Variants in PREPL observed in about 807,000 individuals in gnomAD.
PREPL encodes prolyl endopeptidase like.
A neutral mutation model predicts 70.6 loss-of-function variants in PREPL; 77 were observed. That is an observed-to-expected ratio of 1.09 (90% CI 0.91 to 1.32). The LOEUF (loss-of-function observed/expected upper bound fraction) is 1.32. Among genes scored for constraint, PREPL ranks in the 40% most tolerant of loss-of-function variants. The pLI is 0.00. For synonymous variants in PREPL, 315 were observed against 264.8 expected, an observed-to-expected ratio of 1.19 and a Z score of -1.84; for missense variants, 1,002 against 778.2, an observed-to-expected ratio of 1.29 and a Z score of -3.42.
chr2:44,351,406 T>C lies in PREPL; in HGVS notation c.-48-5016A>G, dbSNP rs1175632502. Among the ~76,000 whole-genome samples, 4 of 152,016 alleles carry C rather than the reference T, an allele frequency of 2.6e-5. No homozygotes were observed. In the East Asian group the frequency reaches 5.8e-4, roughly 22 times the overall value. The stretch of plus-strand genomic sequence containing the variant: ...GTAGCCTGAACAATCCTGACCAAGA[T>C]GAACTTGTATATCCAACTGACTACC... On this transcript the variant is annotated intron_variant, in intron 1 of 13. Transcript: ENST00000409411.
chr2:44,318,719 T>C lies in PREPL; in HGVS notation c.*2637A>G, dbSNP rs1466294514. ...AAAGGTGTTGAAGAAAACCTTTTTA[T>C]AGTATGTATTCTTGTAATTGAATAA... On this transcript the variant is annotated 3_prime_UTR_variant, in exon 14 of 14. Coordinates refer to ENST00000409411, the MANE Select transcript of PREPL (RefSeq NM_001171613.2). 1 of 152,220 alleles carries C rather than the reference T, an allele frequency of 6.6e-6. No homozygotes were observed. The highest frequency in any genetic ancestry group is 6.5e-5 in the Admixed American group (1 of 15,272). 9.4% of individuals were successfully genotyped at this position (152,220 alleles called of 1,614,324 possible).
At position 44,323,384 on chromosome 2, in the gene PREPL, T is replaced by C. The variant is rs759477412; in HGVS notation, c.1507A>G (p.Met503Val). The change falls in exon 11 of 14, where the codon ATG becomes GTG. Residue 503 changes from methionine (M) to valine (V), a missense_variant. Physicochemically the swap from Met to Val is conservative, Grantham distance 21. Transcript: ENST00000409411. Reference protein sequence around the residue: ...EAPFLDVLNTMMDTTLPLTLE... With the variant: ...EAPFLDVLNTVMDTTLPLTLE... ...GTCAGAGGAAGTGTAGTGTCCATCA[T>C]GGTGTTGAGAACATCCAAGAAAGGT... 3.1e-6 allele frequency: 5 copies of C among 1,604,016 alleles called. No homozygotes were observed. The South Asian group carries it at 4.5e-5, about 14-fold the overall frequency.
chr2:44,339,099 T>C (rs1262061856), intron 6 of PREPL, 48 bp downstream of exon 6: 3 of 1,602,642 alleles, frequency 1.9e-6, no homozygotes, highest in Non-Finnish European at 1.7e-6. Context: ...GATCGAAGTG[T>C]GACACTTCTT....
At position 44,339,365 on chromosome 2, in the gene PREPL, TAGAGAG is replaced by T; in HGVS notation, c.486-8_486-3del. On this transcript the variant is annotated splice_polypyrimidine_tract_variant and splice_region_variant and intron_variant, in intron 5 of 13. Transcript: ENST00000409411. ...GTAAGATAAAGGAAAACAAAGTAGC[TAGAGAG>T]AGAGAGAGAGACATGAGATCACAGT... 1 of 1,535,386 alleles carries T rather than the reference TAGAGAG, an allele frequency of 6.5e-7. No individual in the cohort carries two copies. Among genetic ancestry groups the T allele is most frequent in the Non-Finnish European group, 8.9e-7 (1 of 1,123,550 alleles).
intron 1 of PREPL, among the ~76,000 whole-genome samples, chr2:44,355,068 C>T (rs978644174): frequency 1.3e-5 from 2 of 152,164 alleles, no homozygotes; most frequent in Admixed American, 1.3e-4. Context: ...AGCTAAACAT[C>T]TACTAATTGG....
rs1672859699 is a variant in PREPL, at chr2:44,320,677, T to A, written c.*679A>T. On this transcript the variant is annotated 3_prime_UTR_variant, in exon 14 of 14. Coordinates refer to ENST00000409411, the MANE Select transcript of PREPL (RefSeq NM_001171613.2). The stretch of plus-strand genomic sequence containing the variant: ...AGAGATGAAGACACTGGCATTTCAG[T>A]GGGATTGTAAGCATTTGTAATAGCT... The A allele has an allele frequency of 6.6e-7, 1 of 1,523,060 alleles. No homozygotes were observed. The highest frequency in any genetic ancestry group is 1.1e-5 in the South Asian group (1 of 88,976). 94.3% of individuals were successfully genotyped at this position (1,523,060 alleles called of 1,614,324 possible). A position where few individuals can be genotyped will look rare whatever the true frequency, so the allele number is the denominator to read the frequency against.
chr2:44,321,725 G>C (rs749174186), intron 13 of PREPL, 102 bp downstream of exon 13: 3 of 1,602,328 alleles, frequency 1.9e-6, no homozygotes, highest in Non-Finnish European at 2.6e-6. Flanking sequence ...TAGGACATTT[G>C]TGAAGTGGCT....
intron 7 of PREPL, among the ~76,000 whole-genome samples, chr2:44,333,102 C>T (rs1308223220): frequency 1.3e-5 from 2 of 152,174 alleles, no homozygotes; most frequent in East Asian, 3.9e-4. Context: ...TACCCTGCTG[C>T]CTGGACAGCC....
intron 10 of PREPL, 127 bp from the exon 11 acceptor site, chr2:44,323,538 A>T: frequency 1.4e-6 from 1 of 699,972 alleles, no homozygotes. Context: ...GTAGATTCCT[A>T]GGAGCTAGAA....
chr2:44,358,705 C>G (rs1020832030), intron 1 of PREPL, among the ~76,000 whole-genome samples: 1 of 152,190 alleles, frequency 6.6e-6, no homozygotes, highest in Non-Finnish European at 1.5e-5. Context: ...TAAGGGCAAT[C>G]AGGTCCTTAA....
rs1672995135 is a variant in PREPL, at chr2:44,321,892, T to C, written c.1762A>G (p.Thr588Ala). Residue 588 changes from threonine (T) to alanine (A), a missense_variant, in exon 13 of 14, where the codon ACC becomes GCC. Thr to Ala is a moderately conservative substitution (Grantham distance 58). Coordinates refer to ENST00000409411, the MANE Select transcript of PREPL (RefSeq NM_001171613.2). Reference sequence around the variant, plus strand: ...TGAATATCTAGAATAATATTAGGGGTCTGATAGCCTGGAAGAGTTAACATG... The same window carrying C: ...TGAATATCTAGAATAATATTAGGGGCCTGATAGCCTGGAAGAGTTAACATG... Reference protein sequence around the residue: ...HAKDTGEGYQTPNIILDIQPG... With the variant: ...HAKDTGEGYQAPNIILDIQPG... The C allele has an allele frequency of 2.5e-6, 4 of 1,612,970 alleles. No individual in the cohort carries two copies. Among genetic ancestry groups the C allele is most frequent in the Non-Finnish European group, 2.5e-6 (3 of 1,179,304 alleles).
chr2:44,360,773 T>C (rs1039216219), intron 1 of PREPL: 5 of 152,238 alleles, frequency 3.3e-5, no homozygotes, highest in Non-Finnish European at 7.3e-5. Flanking sequence ...GCCTGGCACA[T>C]AGTGACCACT....
In PREPL at chr2:44,328,287, A is replaced by AAAT. The variant is rs1451896126; in HGVS notation, c.1262+649_1262+650insATT. 1.4e-4 allele frequency among the ~76,000 whole-genome samples: 21 copies of AAAT among 149,548 alleles called. No homozygotes were observed. The South Asian group carries it at 3.4e-3, about 24-fold the overall frequency. ...CTATCTCAAAAAAAAAAAAAAAAAA[A>AAAT]TTCAGACAGTGTGGTGGTGTGCGCC... is the stretch of plus-strand genomic sequence containing the variant. On this transcript the variant is annotated intron_variant, in intron 9 of 13. Transcript: ENST00000409411.
rs769664417 is a variant in PREPL, at chr2:44,326,779, G to A, written c.1412C>T (p.Ala471Val). ...CAATGCTCCTGCAAGCACCCCTCCA[G>A]CACTGAAAGCAGTCAGGGTTGTTAG... ...PSLTTLTAFS[A>V]GGVLAGALCN... The change falls in exon 10 of 14, where the codon GCT becomes GTT. Residue 471 changes from alanine (A) to valine (V), a missense_variant. By Grantham distance (64) the Ala-to-Val change is moderately conservative. Coordinates refer to ENST00000409411, the MANE Select transcript of PREPL (RefSeq NM_001171613.2). 6.2e-7 allele frequency: 1 copy of A among 1,614,142 alleles called. No individual in the cohort carries two copies.
Position 44,361,463 on chromosome 2 carries a change from T to TGTCACCGCAGGC in PREPL, c.-144_-133dup, listed in dbSNP as rs938596962. 5 of 152,694 alleles carry TGTCACCGCAGGC rather than the reference T, an allele frequency of 3.3e-5. No individual in the cohort carries two copies. The highest frequency in any genetic ancestry group is 1.2e-4 in the African/African-American group (5 of 41,446). The allele number at this position is 152,694 out of a possible 1,614,324, so 9.5% of individuals were successfully genotyped here. A position where few individuals can be genotyped will look rare whatever the true frequency, so the allele number is the denominator to read the frequency against. The stretch of plus-strand genomic sequence containing the variant: ...CCTGAAGCTCTCAGAGGGGAGCAGG[T>TGTCACCGCAGGC]GTCACCGCAGGCAAGTCCAGCCGAA... On this transcript the variant is annotated 5_prime_UTR_variant, in exon 1 of 14. Coordinates refer to ENST00000409411, the MANE Select transcript of PREPL (RefSeq NM_001171613.2).
chr2:44,334,409 G>A lies in PREPL; in HGVS notation c.889-1753C>T, dbSNP rs183658032. 1.2e-3 allele frequency among the ~76,000 whole-genome samples: 190 copies of A among 152,198 alleles called. 1 individual carries two copies. Among genetic ancestry groups the A allele is most frequent in the African/African-American group, 4.5e-3 (186 of 41,530 alleles). On this transcript the variant is annotated intron_variant, in intron 7 of 13. Transcript: ENST00000409411. ...CTGATGTTAGCATACAGCAAAAAAC[G>A]TCCCAACTGGCCTAAATTAAATATC...
At chr2:44,344,035 A>G (rs1675511979) in intron 3 of PREPL, 84 bp from the exon 4 acceptor site, 1 of 1,453,590 alleles carries the variant, frequency 6.9e-7, no homozygotes, top group African/African-American at 1.4e-5. Flanking sequence ...TTTAAATTAG[A>G]ATTCCCATTC....
chr2:44,321,573 A>T (rs1672949299), intron 13 of PREPL, 128 bp from the exon 14 acceptor site: 1 of 1,497,776 alleles, frequency 6.7e-7, no homozygotes, highest in East Asian at 2.5e-5. Flanking sequence ...GAATACTTTC[A>T]TTCGAGAGAG....
rs1675344183 is a variant in PREPL at position 44,342,570 on chromosome 2, G to C, written c.350-18C>G. Reference sequence around the variant, plus strand: ...TACCCATTCTGAAAGAAAATAATGAGATAATTATACATAATCACCTACACT... The same window carrying C: ...TACCCATTCTGAAAGAAAATAATGACATAATTATACATAATCACCTACACT... On this transcript the variant is annotated intron_variant, in intron 4 of 13. Coordinates refer to ENST00000409411, the MANE Select transcript of PREPL (RefSeq NM_001171613.2). The C allele has an allele frequency of 1.4e-6, 2 of 1,477,274 alleles. No individual in the cohort carries two copies. Among genetic ancestry groups the C allele is most frequent in the East Asian group, 4.6e-5 (2 of 43,114 alleles). 91.5% of individuals were successfully genotyped at this position (1,477,274 alleles called of 1,614,324 possible).
Sources: allele counts gnomAD v4.1 joint callset (sites outside exome capture counted in the v4.1 genomes callset), GRCh38; gene constraint gnomAD v4.1.1; transcripts MANE v1.5; gene names NCBI Gene and HGNC (gene_info 2026-07-23, HGNC 2026-07-21).